Variants in WDR35 observed in about 807,000 individuals in gnomAD.
The protein encoded by WDR35 is WD repeat domain 35, also known as WD repeat-containing protein 35.
WDR35 carries 118 observed loss-of-function variants against 158.3 expected under a neutral mutation model. The ratio of observed to expected loss-of-function variants is 0.75; its 90% confidence interval spans 0.64 to 0.87. The LOEUF (loss-of-function observed/expected upper bound fraction) is 0.87. WDR35 is among the 40% of genes least tolerant of loss of function. The pLI, the probability that WDR35 is intolerant of heterozygous loss-of-function variation, is 0.00. For synonymous variants in WDR35, 448 were observed against 476.1 expected, an observed-to-expected ratio of 0.94 and a Z score of 0.77; for missense variants, 1,263 against 1,405.8, an observed-to-expected ratio of 0.90 and a Z score of 1.62.
chr2:19,972,484 T>A (rs1352472915), intron 8 of WDR35, among the ~76,000 whole-genome samples: 3 of 151,564 alleles, frequency 2.0e-5, no homozygotes, highest in Non-Finnish European at 4.4e-5. Context: ...AGAACAAGAA[T>A]TAAGAAGGAG....
rs753374553 is a variant in WDR35, at chr2:19,984,002, C to CAT, written c.143-1470_143-1469dup. Among the ~76,000 whole-genome samples the CAT allele has an allele frequency of 2.6e-3, 232 of 89,874 alleles. 2 individuals are homozygous for CAT. Among genetic ancestry groups the CAT allele is most frequent in the African/African-American group, 9.4e-3 (199 of 21,098 alleles). 59.0% of individuals were successfully genotyped at this position (89,874 alleles called of 152,430 possible). On this transcript the variant is annotated intron_variant, in intron 2 of 26. Transcript: ENST00000281405. ...TAGCACTGAAAAATCCATTCTAATG[C>CAT]ATATATATATATATATATATATATA...
At chr2:19,985,132 T>G (rs1425804508) in intron 2 of WDR35, among the ~76,000 whole-genome samples, 1 of 152,224 alleles carries the variant, frequency 6.6e-6, no homozygotes, top group Non-Finnish European at 1.5e-5. Flanking sequence ...TCAGCTGCAG[T>G]TGGCTTCCAT....
At chr2:19,982,077 A>G (rs1426309150) in intron 3 of WDR35, among the ~76,000 whole-genome samples, 1 of 152,206 alleles carries the variant, frequency 6.6e-6, no homozygotes. Flanking sequence ...TGCAATGCAC[A>G]TTCAGTAGAA....
intron 25 of WDR35, among the ~76,000 whole-genome samples, chr2:19,922,424 G>A (rs768541097): frequency 4.6e-5 from 7 of 152,224 alleles, no homozygotes; most frequent in Non-Finnish European, 1.0e-4. Flanking sequence ...TTGGAGGGAC[G>A]TGGATGAAGC....
At chr2:19,979,802 CA>C (rs1672328178) in intron 4 of WDR35, among the ~76,000 whole-genome samples, 1 of 150,196 alleles carries the variant, frequency 6.7e-6, no homozygotes, top group African/African-American at 2.5e-5. Flanking sequence ...CACACACACA[CA>C]CACTTTTTAA....
chr2:19,946,407 C>G (rs1052075222), intron 15 of WDR35, 54 bp downstream of exon 15: 3 of 1,414,368 alleles, frequency 2.1e-6, no homozygotes, highest in Non-Finnish European at 3.0e-6. Context: ...TCTAACAATC[C>G]CAACTGATCA....
intron 25 of WDR35, among the ~76,000 whole-genome samples, chr2:19,919,276 G>A (rs1670085609): frequency 6.6e-6 from 1 of 151,418 alleles, no homozygotes; most frequent in Admixed American, 6.6e-5. Context: ...AGCTACTTGG[G>A]AGGCTGAGGC....
Position 19,930,506 on chromosome 2 carries a change from G to A in WDR35, c.3011C>T (p.Thr1004Ile). The A allele has an allele frequency of 6.2e-7, 1 of 1,614,156 alleles. No individual in the cohort carries two copies. Among genetic ancestry groups the A allele is most frequent in the Non-Finnish European group, 8.5e-7 (1 of 1,180,038 alleles). Reference protein sequence around the residue: ...AGLLEEEVLSTTDRFTDNAWR... With the variant: ...AGLLEEEVLSITDRFTDNAWR... Reference sequence around the variant, plus strand: ...TGCATTATCTGTGAAACGATCTGTTGTAGACAGAACTTCTTCTTCCAGCAA... The same window carrying A: ...TGCATTATCTGTGAAACGATCTGTTATAGACAGAACTTCTTCTTCCAGCAA... The change falls in exon 25 of 27, where the codon ACA becomes ATA. Residue 1004 changes from threonine (T) to isoleucine (I), a missense_variant. By Grantham distance (89) the Thr-to-Ile change is moderately conservative. Coordinates refer to ENST00000281405, the MANE Select transcript of WDR35 (RefSeq NM_020779.4).
chr2:19,951,560 TG>T (rs1401932741), intron 12 of WDR35, 76 bp from the exon 13 acceptor site: 3 of 1,133,264 alleles, frequency 2.6e-6, no homozygotes, highest in Non-Finnish European at 3.9e-6. Context: ...AATAAACGAT[TG>T]GACAACATCA....
intron 25 of WDR35, among the ~76,000 whole-genome samples, chr2:19,922,410 T>C (rs571125567): frequency 2.7e-3 from 415 of 152,244 alleles, no homozygotes; most frequent in African/African-American, 9.4e-3. Context: ...TGCATTCATG[T>C]CCTTTGGAGG....
intron 25 of WDR35, among the ~76,000 whole-genome samples, chr2:19,916,758 C>T (rs1670003696): frequency 6.6e-6 from 1 of 152,232 alleles, no homozygotes; most frequent in South Asian, 2.1e-4. Context: ...TTCCACCTCC[C>T]TGGGACAAAG....
At chr2:19,928,044 A>C (rs866269665) in intron 25 of WDR35, among the ~76,000 whole-genome samples, 1 of 152,362 alleles carries the variant, frequency 6.6e-6, no homozygotes, top group Middle Eastern at 3.4e-3. Context: ...ACTGGCCCCA[A>C]AACTGGCCAT....
At chr2:19,975,490 T>C (rs754669038) in intron 6 of WDR35, 40 bp downstream of exon 6, 2 of 1,588,204 alleles carry the variant, frequency 1.3e-6, no homozygotes, top group African/African-American at 1.3e-5. Flanking sequence ...GATAATCATA[T>C]AAAATTGTAT....
At chr2:19,985,881 A>G (rs1315808678) in intron 2 of WDR35, among the ~76,000 whole-genome samples, 1 of 129,200 alleles carries the variant, frequency 7.7e-6, no homozygotes, top group African/African-American at 2.9e-5. Flanking sequence ...TGGGCAACAG[A>G]GTGAGACCCC....
intron 10 of WDR35, among the ~76,000 whole-genome samples, chr2:19,965,781 T>A (rs955751080): frequency 1.3e-5 from 2 of 152,086 alleles, no homozygotes; most frequent in Non-Finnish European, 1.5e-5. Context: ...TCCTTCTTCT[T>A]AAAAAAAGTT....
intron 10 of WDR35, among the ~76,000 whole-genome samples, chr2:19,961,872 C>A (rs1003808209): frequency 2.0e-5 from 3 of 152,184 alleles, no homozygotes; most frequent in African/African-American, 7.2e-5. Flanking sequence ...TCATTCTATT[C>A]ATCAAACAAG....
chr2:19,940,189 C>CAAAA (rs1197342596), intron 17 of WDR35, among the ~76,000 whole-genome samples: 1 of 80,236 alleles, frequency 1.2e-5, no homozygotes, highest in African/African-American at 4.2e-5. Context: ...CCCATCTCTA[C>CAAAA]AAAAAAAAAA....
intron 8 of WDR35, among the ~76,000 whole-genome samples, chr2:19,971,569 T>A (rs1413704707): frequency 6.6e-6 from 1 of 152,264 alleles, no homozygotes; most frequent in African/African-American, 2.4e-5. Context: ...GTCTGTGGTA[T>A]TCTGTCATAG....
chr2:19,963,767 C>CA (rs1230518381), intron 10 of WDR35, among the ~76,000 whole-genome samples: 6 of 151,828 alleles, frequency 4.0e-5, no homozygotes, highest in African/African-American at 1.2e-4. Context: ...TACTTTGAGA[C>CA]AGAGTCTCAC....
Sources: allele counts gnomAD v4.1 joint callset (sites outside exome capture counted in the v4.1 genomes callset), GRCh38; gene constraint gnomAD v4.1.1; transcripts MANE v1.5; gene names NCBI Gene and HGNC (gene_info 2026-07-23, HGNC 2026-07-21).